Variants in RNH1 observed in about 807,000 individuals in gnomAD.
RNH1 encodes ribonuclease/angiogenin inhibitor 1, also known as ribonuclease inhibitor.
A neutral mutation model predicts 46.1 loss-of-function variants in RNH1; 38 were observed. The observed-to-expected ratio is 0.82, with a 90% CI of 0.64 to 1.08. The LOEUF (loss-of-function observed/expected upper bound fraction) is 1.08, where lower values mean the gene tolerates loss of function less well. Among genes scored for constraint, RNH1 ranks in the 50% least tolerant of loss-of-function variants. RNH1 has a pLI of 0.00. For missense variants in RNH1, 577 were observed against 590.7 expected, an observed-to-expected ratio of 0.98 and a Z score of 0.24; for synonymous variants, 319 against 279.1, an observed-to-expected ratio of 1.14 and a Z score of -1.43.
At chr11:499,539 T>TCA (rs1225193327) in intron 5 of RNH1, 1 of 698,866 alleles carries the variant, frequency 1.4e-6, no homozygotes, top group South Asian at 1.5e-5. Context: ...GGAACCTGAC[T>TCA]CACGGCCAGG....
At position 499,550 on chromosome 11, in the gene RNH1, C is replaced by T. The variant is rs1264497272; in HGVS notation, c.443+279G>A. On this transcript the variant is annotated intron_variant, in intron 5 of 10. Transcript: ENST00000354420. ...GAGTGGAACCTGACTCACGGCCAGG[C>T]ATCTGTTCCCACCGTCGGGTCCTGG... 3.1e-5 allele frequency: 22 copies of T among 700,740 alleles called. 1 individual carries two copies. The highest frequency in any genetic ancestry group is 4.9e-5 in the Non-Finnish European group (19 of 385,192). 43.4% of individuals were successfully genotyped at this position (700,740 alleles called of 1,614,324 possible).
chr11:498,379 C>T (rs941987430), intron 8 of RNH1, 78 bp downstream of exon 8: 4 of 1,550,246 alleles, frequency 2.6e-6, no homozygotes, highest in African/African-American at 1.4e-5. Flanking sequence ...CCTGGAGTCG[C>T]TCACTCCTCC....
At chr11:496,120 T>C (rs1455964963) in intron 9 of RNH1, among the ~76,000 whole-genome samples, 7 of 152,120 alleles carry the variant, frequency 4.6e-5, no homozygotes, top group African/African-American at 1.7e-4. Flanking sequence ...ACCAAAGGTA[T>C]ATTTTCTTAG....
Position 495,062 on chromosome 11 carries a change from A to G in RNH1, c.1128-9T>C, listed in dbSNP as rs779891976. 2 of 1,601,366 alleles carry G rather than the reference A, an allele frequency of 1.2e-6. No homozygotes were observed. Among genetic ancestry groups the G allele is most frequent in the Non-Finnish European group, 1.7e-6 (2 of 1,175,260 alleles). On this transcript the variant is annotated splice_polypyrimidine_tract_variant and intron_variant, in intron 9 of 10. Coordinates refer to ENST00000354420, the MANE Select transcript of RNH1 (RefSeq NM_203387.3). ...CATCGCAGTCGGCCAACCTGGGTGA[A>G]GCAGGGCGGGGGTCAGGGTGCCGGG...
intron 9 of RNH1, among the ~76,000 whole-genome samples, chr11:496,150 C>T (rs1849038872): frequency 6.6e-6 from 1 of 152,174 alleles, no homozygotes; most frequent in African/African-American, 2.4e-5. Context: ...GTATCCAGCA[C>T]AAAGAACCAA....
intron 9 of RNH1, among the ~76,000 whole-genome samples, chr11:495,427 CGAG>C (rs1475218043): frequency 1.3e-5 from 2 of 152,112 alleles, no homozygotes; most frequent in Non-Finnish European, 2.9e-5. Flanking sequence ...TGTGGGGAAA[CGAG>C]GGTATGGAGG....
intron 9 of RNH1, among the ~76,000 whole-genome samples, chr11:496,236 A>G (rs973040452): frequency 2.0e-5 from 3 of 152,206 alleles, no homozygotes; most frequent in African/African-American, 7.2e-5. Context: ...CCAACGAGAA[A>G]AAGCAGATCG....
chr11:494,824 C>T, intron 10 of RNH1, 46 bp from the exon 11 acceptor site: 1 of 1,612,210 alleles, frequency 6.2e-7, no homozygotes, highest in Non-Finnish European at 8.5e-7. Context: ...TCCTCCCCCA[C>T]CCCCGCCTTC....
rs527268281 is a variant in RNH1 at position 494,907 on chromosome 11, G to A, written c.1274C>T (p.Pro425Leu). The A allele has an allele frequency of 2.7e-5, 43 of 1,611,466 alleles. No homozygotes were observed. The highest frequency in any genetic ancestry group is 1.7e-4 in the Middle Eastern group (1 of 6,056). Reference sequence around the variant, plus strand: ...CACCAGCTGCTCCAGGAGGCAGCCCGGCTGCCGGACGCTCTCCACCAGCTG... The same window carrying A: ...CACCAGCTGCTCCAGGAGGCAGCCCAGCTGCCGGACGCTCTCCACCAGCTG... The part of the protein sequence containing the change: ...ILQLVESVRQ[P>L]GCLLEQLVLY... Residue 425 changes from proline to leucine, a missense_variant, in exon 10 of 11, where the codon CCG (proline) becomes CTG (leucine). Coordinates refer to ENST00000354420, the MANE Select transcript of RNH1 (RefSeq NM_203387.3).
intron 9 of RNH1, 133 bp from the exon 10 acceptor site, chr11:495,186 C>T: frequency 1.1e-6 from 1 of 897,146 alleles, no homozygotes. Flanking sequence ...TGGGGCCGTC[C>T]CCAAGGCTCA....
chr11:499,411 G>C, intron 5 of RNH1: 1 of 671,390 alleles, frequency 1.5e-6, no homozygotes, highest in South Asian at 1.6e-5. Flanking sequence ...TCAGACTTTG[G>C]GGCCCAACCA....
At chr11:494,830 C>T (rs747633863) in intron 10 of RNH1, 52 bp from the exon 11 acceptor site, 2 of 1,612,696 alleles carry the variant, frequency 1.2e-6, no homozygotes, top group Admixed American at 3.3e-5. Context: ...CCCACCCCCG[C>T]CTTCCTCCCT....
In RNH1 at chr11:502,576, G is replaced by GT; in HGVS notation, c.-87-328dup. ...AGGACAGGGTAGGGTGGGGTGGTCT[G>GT]TGAGCCTGGAGGCCCCAGCAGGGGA... On this transcript the variant is annotated intron_variant, in intron 2 of 10. Coordinates refer to ENST00000354420, the MANE Select transcript of RNH1 (RefSeq NM_203387.3). This position sits in a 1 kb window ranked among gnomAD's most constrained non-coding sequence, Gnocchi z 5.8. The GT allele has an allele frequency of 4.2e-6, 1 of 237,018 alleles. No homozygotes were observed. Among genetic ancestry groups the GT allele is most frequent in the Non-Finnish European group, 8.5e-6 (1 of 117,024 alleles). The allele number at this position is 237,018 out of a possible 1,614,324, so 14.7% of individuals were successfully genotyped here.
rs572994029 is a variant in RNH1 at position 498,600 on chromosome 11, C to A, written c.813G>T (p.Lys271Asn). The change falls in exon 8 of 11, where the codon AAG (lysine) becomes AAT (asparagine). Residue 271 changes from lysine (K) to asparagine (N), a missense_variant. By Grantham distance (94) the Lys-to-Asn change is moderately conservative. Transcript: ENST00000354420. Reference sequence around the variant, plus strand: ...GGACACGGCACAGATCCCCGCAGCCCTTGGCAGTGATGCCACACTCCCAGA... The same window carrying A: ...GGACACGGCACAGATCCCCGCAGCCATTGGCAGTGATGCCACACTCCCAGA... ...LWIWECGITA[K>N]GCGDLCRVLR... is the part of the protein sequence containing the mutation. The A allele has an allele frequency of 4.0e-5, 65 of 1,612,768 alleles. No individual in the cohort carries two copies. The South Asian group carries it at 6.7e-4, about 17-fold the overall frequency.
chr11:500,280 G>A (rs1346356646), intron 4 of RNH1: 1 of 704,666 alleles, frequency 1.4e-6, no homozygotes, highest in Non-Finnish European at 2.3e-6. Flanking sequence ...CTTGGGTGCG[G>A]GGGCTGGGAT....
At chr11:498,685 GC>G in intron 7 of RNH1, 58 bp from the exon 8 acceptor site, 1 of 1,601,198 alleles carries the variant, frequency 6.2e-7, no homozygotes. Flanking sequence ...CCTGAGATGA[GC>G]CCAGGGGCGG....
At chr11:494,823 A>G in intron 10 of RNH1, 45 bp from the exon 11 acceptor site, 1 of 1,574,710 alleles carries the variant, frequency 6.4e-7, no homozygotes, top group Non-Finnish European at 8.7e-7. Context: ...GTCCTCCCCC[A>G]CCCCCGCCTT....
rs142005826 is a variant in RNH1 at position 499,979 on chromosome 11, G to A, written c.293C>T (p.Thr98Met). 7.0e-5 allele frequency: 110 copies of A among 1,580,910 alleles called. No homozygotes were observed. Among genetic ancestry groups the A allele is most frequent in the Middle Eastern group, 1.9e-4 (1 of 5,248 alleles). The change falls in exon 5 of 11, where the codon ACG (threonine) becomes ATG (methionine). Residue 98 changes from threonine to methionine, a missense_variant. Thr to Met is a moderately conservative substitution (Grantham distance 81, BLOSUM62 -1). Coordinates refer to ENST00000354420, the MANE Select transcript of RNH1 (RefSeq NM_203387.3). ...GGACAGGACCCCGCAGCCGGCCCCC[G>A]TCAGGCAGCAGTTCTGGAGGCTGGA... is the stretch of plus-strand genomic sequence containing the variant. Reference protein sequence around the residue: ...QKLSLQNCCLTGAGCGVLSST... With the variant: ...QKLSLQNCCLMGAGCGVLSST...
At chr11:498,436 T>G (rs759292423) in intron 8 of RNH1, 21 bp downstream of exon 8, 4 of 1,609,224 alleles carry the variant, frequency 2.5e-6, no homozygotes, top group East Asian at 2.2e-5. Context: ...GACAGGGCCC[T>G]GCCCCGACAG....
Sources: allele counts gnomAD v4.1 joint callset (sites outside exome capture counted in the v4.1 genomes callset), GRCh38; gene constraint gnomAD v4.1.1; non-coding constraint Gnocchi (gnomAD v3.1); transcripts MANE v1.5; gene names NCBI Gene and HGNC (gene_info 2026-07-23, HGNC 2026-07-21).